The following DNAAF11 variants were observed in gnomAD, a reference collection of about 807,000 sequenced individuals.
DNAAF11 encodes leucine rich repeat containing 6.
A neutral mutation model predicts 60.8 loss-of-function variants in DNAAF11; 45 were observed. The observed-to-expected ratio is 0.74, with a 90% CI of 0.58 to 0.95. DNAAF11 has a LOEUF of 0.95. Among genes scored for constraint, DNAAF11 ranks in the 40% least tolerant of loss-of-function variants. The pLI is 0.00. For synonymous variants in DNAAF11, 191 were observed against 183.5 expected (o/e 1.04, Z -0.33); for missense variants, 546 against 546.2 (o/e 1.00, Z 0.00).
chr8:132,593,929 G>T (rs1407258582), intron 10 of DNAAF11, among the ~76,000 whole-genome samples: 1 of 151,990 alleles, frequency 6.6e-6, no homozygotes, highest in Non-Finnish European at 1.5e-5. Context: ...AAAGCTAAAA[G>T]GGTAAAGCTT....
chr8:132,601,318 G>A (rs576345484), intron 10 of DNAAF11, among the ~76,000 whole-genome samples: 27 of 152,266 alleles, frequency 1.8e-4, no homozygotes, highest in African/African-American at 6.3e-4. Flanking sequence ...CTTTTACACT[G>A]TTGGTGGGAC....
chr8:132,675,401 G>C (rs762355385), intron 1 of DNAAF11, 83 bp downstream of exon 1: 1 of 1,452,424 alleles, frequency 6.9e-7, no homozygotes, highest in African/African-American at 1.4e-5. Flanking sequence ...CGCAGGGCGG[G>C]AGCGGGCGGC....
intron 1 of DNAAF11, among the ~76,000 whole-genome samples, chr8:132,663,448 T>G (rs543300996): frequency 5.3e-5 from 8 of 152,318 alleles, no homozygotes; most frequent in Non-Finnish European, 1.2e-4. Context: ...GATCTGTAAT[T>G]TACCTATAAG....
At chr8:132,591,668 A>G (rs2131077617) in intron 10 of DNAAF11, among the ~76,000 whole-genome samples, 2 of 152,168 alleles carry the variant, frequency 1.3e-5, no homozygotes, top group South Asian at 4.1e-4. Flanking sequence ...TGTTTATTAT[A>G]CCTCACTAAA....
At chr8:132,586,642 T>C (rs1815930809) in intron 10 of DNAAF11, among the ~76,000 whole-genome samples, 1 of 152,160 alleles carries the variant, frequency 6.6e-6, no homozygotes, top group Admixed American at 6.6e-5. Flanking sequence ...CTCATGTAAG[T>C]GTGAGAACTT....
chr8:132,625,040 T>C (rs1456645568), intron 6 of DNAAF11, among the ~76,000 whole-genome samples: 1 of 152,130 alleles, frequency 6.6e-6, no homozygotes, highest in Non-Finnish European at 1.5e-5. Context: ...GCTAAAGATA[T>C]ACAAACAAAC....
intron 7 of DNAAF11, among the ~76,000 whole-genome samples, chr8:132,616,769 T>G (rs1016685055): frequency 6.6e-6 from 1 of 152,162 alleles, no homozygotes; most frequent in African/African-American, 2.4e-5. Context: ...AGGCAAAAGT[T>G]TTCTCAGCAA....
intron 5 of DNAAF11, among the ~76,000 whole-genome samples, chr8:132,628,755 G>A (rs778825269): frequency 1.3e-5 from 2 of 152,172 alleles, no homozygotes; most frequent in Non-Finnish European, 2.9e-5. Context: ...GAAGACTCAA[G>A]GATCAGCCAG....
the DNAAF11 span, among the ~76,000 whole-genome samples, chr8:132,702,641 G>A: frequency 3.3e-5 from 5 of 152,132 alleles, no homozygotes; most frequent in African/African-American, 1.2e-4. Context: ...ATCTAGCACT[G>A]TTTTAAGTGT....
chr8:132,676,157 A>T (rs999844196), upstream of DNAAF11, among the ~76,000 whole-genome samples: 8 of 152,104 alleles, frequency 5.3e-5, no homozygotes, highest in Non-Finnish European at 1.2e-4. Context: ...CAGAAACGCC[A>T]CCCATTACCC....
chr8:132,675,660 T>C, upstream of DNAAF11: 1 of 603,748 alleles, frequency 1.7e-6, no homozygotes, highest in Non-Finnish European at 2.8e-6. Flanking sequence ...TTTCCTGAGC[T>C]CCGCGGAGCA....
At chr8:132,687,799 C>G in the DNAAF11 span, 1 of 418,394 alleles carries the variant, frequency 2.4e-6, no homozygotes. Context: ...TTGATATTGA[C>G]CTGCATTAAC....
intron 1 of DNAAF11, among the ~76,000 whole-genome samples, chr8:132,662,320 G>T (rs1251869983): frequency 6.6e-6 from 1 of 152,184 alleles, no homozygotes; most frequent in East Asian, 1.9e-4. Flanking sequence ...AGTACGTGAG[G>T]AAGACGGCGC....
chr8:132,674,022 A>C (rs7460797), intron 1 of DNAAF11, among the ~76,000 whole-genome samples: 3 of 144,304 alleles, frequency 2.1e-5, no homozygotes, highest in Non-Finnish European at 3.1e-5. Context: ...GAAGGAGGAG[A>C]AGGAGCAGGA....
chr8:132,575,636 T>C (rs1322871478), intron 11 of DNAAF11, among the ~76,000 whole-genome samples: 1 of 151,818 alleles, frequency 6.6e-6, no homozygotes, highest in African/African-American at 2.4e-5. Context: ...AGAATTACGG[T>C]AGGAATCATA....
At chr8:132,587,744 C>A (rs1816048441) in intron 10 of DNAAF11, among the ~76,000 whole-genome samples, 1 of 152,070 alleles carries the variant, frequency 6.6e-6, no homozygotes, top group African/African-American at 2.4e-5. Flanking sequence ...CTTGAAAATT[C>A]AATTGTGGGA....
chr8:132,699,958 G>T, the DNAAF11 span, among the ~76,000 whole-genome samples: 1 of 152,110 alleles, frequency 6.6e-6, no homozygotes, highest in Admixed American at 6.5e-5. Context: ...GAGAGTGACT[G>T]CTTAATGAGC....
chr8:132,581,699 GAA>G (rs1815359729), intron 11 of DNAAF11, among the ~76,000 whole-genome samples: 1 of 144,552 alleles, frequency 6.9e-6, no homozygotes, highest in African/African-American at 2.6e-5. Flanking sequence ...AGAAGAAGAA[GAA>G]CAAGCCTGAG....
At chr8:132,638,325 G>GAAATA (rs1821514757) in intron 3 of DNAAF11, among the ~76,000 whole-genome samples, 1 of 152,100 alleles carries the variant, frequency 6.6e-6, no homozygotes, top group Admixed American at 6.5e-5. Context: ...TTCACCGTCT[G>GAAATA]AGTCCTTCCA....
Sources: gnomAD v4.1 joint callset for allele counts (sites outside exome capture counted in the v4.1 genomes callset) on GRCh38, gnomAD v4.1.1 for gene constraint, MANE v1.5 for transcripts, NCBI Gene and HGNC (gene_info 2026-07-23, HGNC 2026-07-21) for gene names.